CALN1: variants seen among roughly 807,000 people sequenced by gnomAD.
CALN1 encodes calcium-binding protein 8.
A neutral mutation model predicts 30.6 loss-of-function variants in CALN1; 17 were observed. That is an observed-to-expected ratio of 0.56 (90% CI 0.38 to 0.83). The LOEUF (loss-of-function observed/expected upper bound fraction) is 0.83. CALN1 is among the 40% of genes least tolerant of loss of function. CALN1 has a pLI of 0.00. For synonymous variants in CALN1, 156 were observed against 131.4 expected (o/e 1.19, Z -1.28); for missense variants, 291 against 354.9 (o/e 0.82, Z 1.45).
chr7:72,124,695 A>C (rs10236128), intron 3 of CALN1, among the ~76,000 whole-genome samples: 3,419 of 151,976 alleles, frequency 0.022, 125 homozygotes, highest in African/African-American at 0.077. Flanking sequence ...AGATCTTTGT[A>C]AACAAGAATT....
At chr7:72,169,921 G>C (rs1237568856) in intron 3 of CALN1, among the ~76,000 whole-genome samples, 1 of 152,042 alleles carries the variant, frequency 6.6e-6, no homozygotes, top group Admixed American at 6.6e-5. Flanking sequence ...TTGAACTCCT[G>C]ACCTCAGGTG....
chr7:72,010,707 G>C (rs118182411), intron 5 of CALN1, among the ~76,000 whole-genome samples: 4,754 of 151,792 alleles, frequency 0.031, 438 homozygotes, highest in East Asian at 0.23. Context: ...CAGCTACTCA[G>C]GAAGCTGAGG....
chr7:72,239,151 A>G (rs1465160651), intron 3 of CALN1, among the ~76,000 whole-genome samples: 1 of 152,114 alleles, frequency 6.6e-6, no homozygotes, highest in Non-Finnish European at 1.5e-5. Flanking sequence ...AATCCCAACA[A>G]TTTGGGAGGC....
the CALN1 span, among the ~76,000 whole-genome samples, chr7:72,485,793 C>T: frequency 6.6e-6 from 1 of 152,148 alleles, no homozygotes; most frequent in Non-Finnish European, 1.5e-5. Context: ...ATCACTTGAA[C>T]CCGGGAGGTG....
intron 5 of CALN1, among the ~76,000 whole-genome samples, chr7:71,836,777 C>G (rs1377351867): frequency 6.6e-6 from 1 of 151,742 alleles, no homozygotes; most frequent in Non-Finnish European, 1.5e-5. Flanking sequence ...AACACCACGT[C>G]CAGCTAATTT....
the CALN1 span, among the ~76,000 whole-genome samples, chr7:72,488,934 C>A: frequency 6.6e-6 from 1 of 152,102 alleles, no homozygotes; most frequent in Non-Finnish European, 1.5e-5. Context: ...TTATTCTGAC[C>A]CAGGTGAGCT....
At chr7:72,117,383 G>C (rs1161870995) in intron 3 of CALN1, among the ~76,000 whole-genome samples, 1 of 152,206 alleles carries the variant, frequency 6.6e-6, no homozygotes, top group East Asian at 1.9e-4. Flanking sequence ...AGCCCTCAGA[G>C]AGCATGTGAT....
chr7:72,266,380 C>T (rs2129553131), intron 3 of CALN1, among the ~76,000 whole-genome samples: 1 of 152,278 alleles, frequency 6.6e-6, no homozygotes, highest in South Asian at 2.1e-4. Context: ...AGAGTTCCTG[C>T]TTAAAATATA....
At chr7:72,111,410 GA>G (rs1456150625) in intron 3 of CALN1, among the ~76,000 whole-genome samples, 2 of 152,182 alleles carry the variant, frequency 1.3e-5, no homozygotes, top group Non-Finnish European at 2.9e-5. Flanking sequence ...GACTTGGAAA[GA>G]AATAATCCTG....
chr7:72,177,125 T>A (rs1167942579), intron 3 of CALN1, among the ~76,000 whole-genome samples: 1 of 152,158 alleles, frequency 6.6e-6, no homozygotes, highest in Non-Finnish European at 1.5e-5. Context: ...GACAAACCAG[T>A]TGAGCTACAA....
At chr7:72,302,459 C>G (rs1453514530) in intron 2 of CALN1, among the ~76,000 whole-genome samples, 5 of 152,010 alleles carry the variant, frequency 3.3e-5, no homozygotes. Flanking sequence ...TAATTTACAC[C>G]CAGTCAAAAT....
intron 5 of CALN1, among the ~76,000 whole-genome samples, chr7:72,015,747 T>C (rs1222252223): frequency 1.3e-5 from 2 of 152,152 alleles, no homozygotes; most frequent in Admixed American, 1.3e-4. Context: ...TGGGCCAGAA[T>C]TCCCATTTCT....
At chr7:71,926,701 CTCTT>C (rs1246920881) in intron 5 of CALN1, among the ~76,000 whole-genome samples, 1 of 151,816 alleles carries the variant, frequency 6.6e-6, no homozygotes, top group Non-Finnish European at 1.5e-5. Flanking sequence ...TTCTTTTTAC[CTCTT>C]TGTGTTTCAT....
At chr7:72,292,151 G>A (rs1299824620) in intron 2 of CALN1, among the ~76,000 whole-genome samples, 2 of 151,858 alleles carry the variant, frequency 1.3e-5, no homozygotes, top group African/African-American at 2.4e-5. Context: ...GGCAAAAATC[G>A]CAATTACTCT....
In CALN1 at chr7:71,782,214, G is replaced by C. The variant is rs1210124786; in HGVS notation, c.*5561C>G. On this transcript the variant is annotated 3_prime_UTR_variant, in exon 7 of 7. Coordinates refer to ENST00000395275, the MANE Select transcript of CALN1 (RefSeq NM_031468.4). ...TGCTGGGAGATATTTGGGTCATAGG[G>C]ACAGATTCCTCATGAATGACTCGGT... 3 of 152,206 alleles carry C rather than the reference G, an allele frequency of 2.0e-5. No individual in the cohort carries two copies. The highest frequency in any genetic ancestry group is 2.9e-5 in the Non-Finnish European group (2 of 68,038). The allele number at this position is 152,206 out of a possible 1,614,324, so 9.4% of individuals were successfully genotyped here. A position where few individuals can be genotyped will look rare whatever the true frequency, so the allele number is the denominator to read the frequency against.
chr7:72,413,435 TAG>T (rs1275987743), upstream of CALN1, among the ~76,000 whole-genome samples: 1 of 151,634 alleles, frequency 6.6e-6, no homozygotes, highest in African/African-American at 2.4e-5. Context: ...TACACTCACA[TAG>T]ACTCACATAC....
intron 2 of CALN1, among the ~76,000 whole-genome samples, chr7:72,303,802 G>A (rs544180314): frequency 1.2e-3 from 184 of 152,174 alleles, no homozygotes; most frequent in Non-Finnish European, 2.3e-3. Context: ...TTGAGCCCAG[G>A]AGATCAAGGC....
intron 2 of CALN1, among the ~76,000 whole-genome samples, chr7:72,385,497 G>C (rs1805156585): frequency 6.6e-6 from 1 of 152,036 alleles, no homozygotes; most frequent in Non-Finnish European, 1.5e-5. Flanking sequence ...ATATGGTTTG[G>C]CTTCATGTCC....
chr7:72,115,345 T>C (rs1427417465), intron 3 of CALN1, among the ~76,000 whole-genome samples: 1 of 136,438 alleles, frequency 7.3e-6, no homozygotes, highest in East Asian at 2.3e-4. Context: ...TCCACCTGGA[T>C]TTTTTTTTTT....
Sources: allele counts gnomAD v4.1 joint callset (sites outside exome capture counted in the v4.1 genomes callset), GRCh38; gene constraint gnomAD v4.1.1; transcripts MANE v1.5; gene names NCBI Gene and HGNC (gene_info 2026-07-23, HGNC 2026-07-21).